ACADS: variants seen among roughly 807,000 people sequenced by gnomAD.
The protein encoded by ACADS is acyl-CoA dehydrogenase short chain, also known as short-chain specific acyl-CoA dehydrogenase, mitochondrial.
ACADS carries 28 observed loss-of-function variants against 46.8 expected under a neutral mutation model. That is an observed-to-expected ratio of 0.60 (90% CI 0.44 to 0.82). ACADS has a LOEUF of 0.82. Among genes scored for constraint, ACADS ranks in the 40% least tolerant of loss-of-function variants. ACADS has a pLI of 0.00. For synonymous variants in ACADS, 236 were observed against 237.7 expected (o/e 0.99, Z 0.07); for missense variants, 528 against 578.0 (o/e 0.91, Z 0.89).
At chr12:120,732,998 T>A (rs2136944588) in intron 2 of ACADS, among the ~76,000 whole-genome samples, 1 of 152,310 alleles carries the variant, frequency 6.6e-6, no homozygotes, top group Non-Finnish European at 1.5e-5. Flanking sequence ...GGCTGGCAGA[T>A]CACTCCTGGT....
rs763455552 is a variant in ACADS at position 120,739,381 on chromosome 12, A to G, written c.1172A>G (p.Tyr391Cys). 1.2e-6 allele frequency: 2 copies of G among 1,612,952 alleles called. No individual in the cohort carries two copies. The highest frequency in any genetic ancestry group is 3.3e-5 in the Admixed American group (2 of 60,020). The change falls in exon 10 of 10, where the codon TAC (tyrosine) becomes TGC (cysteine). Residue 391 changes from tyrosine (Y) to cysteine (C), a missense_variant. By Grantham distance (194) the Tyr-to-Cys change is radical. Transcript: ENST00000242592. ...CGCGACGCCCGCATCACTGAGATCTACGAGGGCACCAGCGAAATCCAGCGG... is the reference window on the plus strand; with the variant it reads ...CGCGACGCCCGCATCACTGAGATCTGCGAGGGCACCAGCGAAATCCAGCGG... Reference protein sequence around the residue: ...HYRDARITEIYEGTSEIQRLV... With the variant: ...HYRDARITEICEGTSEIQRLV...
intron 2 of ACADS, among the ~76,000 whole-genome samples, chr12:120,733,638 C>G (rs184086990): frequency 6.6e-6 from 1 of 151,536 alleles, no homozygotes; most frequent in South Asian, 2.1e-4. Flanking sequence ...ACCCCCCTCC[C>G]CAGGTGTGTG....
chr12:120,739,092 T>G (rs762451430), intron 8 of ACADS, 48 bp from the exon 9 acceptor site: 1 of 1,611,726 alleles, frequency 6.2e-7, no homozygotes, highest in Non-Finnish European at 8.5e-7. Context: ...GAGCAGGGGA[T>G]GGAGGGGTCC....
intron 2 of ACADS, among the ~76,000 whole-genome samples, chr12:120,731,705 T>C (rs1015154883): frequency 2.0e-5 from 3 of 152,014 alleles, no homozygotes; most frequent in African/African-American, 7.3e-5. Context: ...GGCAGGGTCA[T>C]AGGACAATAG....
Position 120,737,913 on chromosome 12 carries a change from A to C in ACADS, c.549A>C (p.Lys183Asn). ...ACTCATGGGTTCTGAATGGAACCAA[A>C]GCCTGGATCACCAATGCCTGGGAGG... ...EGDSWVLNGTKAWITNAWEAS... is the reference protein window; with the variant it reads ...EGDSWVLNGTNAWITNAWEAS... Residue 183 changes from lysine (K) to asparagine (N), a missense_variant, in exon 5 of 10, where the codon AAA (lysine) becomes AAC (asparagine). Coordinates refer to ENST00000242592, the MANE Select transcript of ACADS (RefSeq NM_000017.4). The C allele has an allele frequency of 1.2e-6, 2 of 1,614,188 alleles. No individual in the cohort carries two copies. Among genetic ancestry groups the C allele is most frequent in the Non-Finnish European group, 1.7e-6 (2 of 1,180,032 alleles).
chr12:120,726,136 C>A (rs1411593267), intron 1 of ACADS, among the ~76,000 whole-genome samples: 1 of 151,202 alleles, frequency 6.6e-6, no homozygotes, highest in Admixed American at 6.6e-5. Context: ...CAGACCCCTA[C>A]CCCCCGATTG....
chr12:120,737,842 G>C lies in ACADS; in HGVS notation c.478G>C (p.Gly160Arg). 1.2e-6 allele frequency: 2 copies of C among 1,613,954 alleles called. No homozygotes were observed. Among genetic ancestry groups the C allele is most frequent in the Non-Finnish European group, 8.5e-7 (1 of 1,179,926 alleles). ...CCCTGGGTCTGTGTGGGCAGGGAACGGCAGTGATGCAGGAGCTGCGTCCAC... is the reference window on the plus strand; with the variant it reads ...CCCTGGGTCTGTGTGGGCAGGGAACCGCAGTGATGCAGGAGCTGCGTCCAC... Reference protein sequence around the residue: ...GCFALSEPGNGSDAGAASTTA... With the variant: ...GCFALSEPGNRSDAGAASTTA... The change falls in exon 5 of 10, where the codon GGC (glycine) becomes CGC (arginine). Residue 160 changes from glycine (G) to arginine (R), a missense_variant. By Grantham distance (125) the Gly-to-Arg change is moderately radical. Coordinates refer to ENST00000242592, the MANE Select transcript of ACADS (RefSeq NM_000017.4).
intron 2 of ACADS, among the ~76,000 whole-genome samples, chr12:120,734,704 G>A (rs1308330908): frequency 4.0e-5 from 6 of 151,214 alleles, no homozygotes; most frequent in African/African-American, 1.5e-4. Context: ...CCAGGAGTTC[G>A]ACACCAGCTT....
intron 2 of ACADS, among the ~76,000 whole-genome samples, chr12:120,730,694 C>T (rs1883221199): frequency 6.6e-6 from 1 of 152,196 alleles, no homozygotes; most frequent in Admixed American, 6.5e-5. Flanking sequence ...TGGGTTCCCA[C>T]TGTGTTTCTG....
Position 120,725,951 on chromosome 12 carries a change from G to A in ACADS, c.46+20G>A. The A allele has an allele frequency of 1.3e-6, 2 of 1,529,314 alleles. No homozygotes were observed. Among genetic ancestry groups the A allele is most frequent in the Non-Finnish European group, 1.7e-6 (2 of 1,147,058 alleles). The allele number at this position is 1,529,314 out of a possible 1,614,324, so 94.7% of individuals were successfully genotyped here. A position where few individuals can be genotyped will look rare whatever the true frequency, so the allele number is the denominator to read the frequency against. On this transcript the variant is annotated intron_variant, in intron 1 of 9. Transcript: ENST00000242592. ...GCAGAGGTGAGTGCGCTGGGGATCCGTACGGCGGGGCTTCAGCCCGCGTCT... is the reference window on the plus strand; with the variant it reads ...GCAGAGGTGAGTGCGCTGGGGATCCATACGGCGGGGCTTCAGCCCGCGTCT...
rs1271188770 is a variant in ACADS, at chr12:120,727,146, T to A, written c.167T>A (p.Ile56Asn). ...RDFAEKELFPIAAQVDKEHLF... is the reference protein window; with the variant it reads ...RDFAEKELFPNAAQVDKEHLF... ...TTTGCCGAGAAGGAGTTGTTTCCCA[T>A]TGCAGCCCAGGTGGATAAGGAACAT... The change falls in exon 2 of 10, where the codon ATT becomes AAT. Residue 56 changes from isoleucine to asparagine, a missense_variant. Physicochemically the swap from Ile to Asn is moderately radical, Grantham distance 149 (BLOSUM62 -3). Coordinates refer to ENST00000242592, the MANE Select transcript of ACADS (RefSeq NM_000017.4). 1 of 1,614,132 alleles carries A rather than the reference T, an allele frequency of 6.2e-7. No individual in the cohort carries two copies.
chr12:120,736,401 G>C (rs1344287265), intron 2 of ACADS, among the ~76,000 whole-genome samples: 1 of 152,216 alleles, frequency 6.6e-6, no homozygotes, highest in Non-Finnish European at 1.5e-5. Flanking sequence ...TGCCCTCGTG[G>C]TGAAGGCAAA....
chr12:120,730,675 C>G (rs1407918738), intron 2 of ACADS, among the ~76,000 whole-genome samples: 1 of 152,172 alleles, frequency 6.6e-6, no homozygotes, highest in African/African-American at 2.4e-5. Context: ...TACTCTCTTT[C>G]TGGGAATTTG....
chr12:120,731,891 C>T (rs1241974948), intron 2 of ACADS, among the ~76,000 whole-genome samples: 5 of 152,054 alleles, frequency 3.3e-5, no homozygotes, highest in Non-Finnish European at 5.9e-5. Flanking sequence ...CATCTTGCAC[C>T]GCCCTTAATC....
rs1392223586 is a variant in ACADS, at chr12:120,737,178, G to A, written c.360+43G>A. 7 of 1,554,924 alleles carry A rather than the reference G, an allele frequency of 4.5e-6. No individual in the cohort carries two copies. In the South Asian group the frequency reaches 8.3e-5, roughly 18 times the overall value. The stretch of plus-strand genomic sequence containing the variant: ...CCCCTGGGACACACGGGTGGAGGGA[G>A]GCTCCCGTGAGCGGGCAGGCTCTGG... On this transcript the variant is annotated intron_variant, in intron 3 of 9. Coordinates refer to ENST00000242592, the MANE Select transcript of ACADS (RefSeq NM_000017.4).
intron 2 of ACADS, 41 bp downstream of exon 2, chr12:120,727,230 C>T (rs750168789): frequency 5.9e-5 from 95 of 1,612,056 alleles, no homozygotes; most frequent in Non-Finnish European, 7.6e-5. Context: ...GTGGTCTGCC[C>T]TCTGCTACTG....
intron 2 of ACADS, among the ~76,000 whole-genome samples, chr12:120,733,628 A>AC (rs978810631): frequency 5.0e-5 from 7 of 140,390 alleles, no homozygotes; most frequent in South Asian, 4.5e-4. Context: ...TCTGAGCAGG[A>AC]CCCCCCTCCC....
rs1333585577 is a variant in ACADS at position 120,728,471 on chromosome 12, C to T, written c.210+1282C>T. On this transcript the variant is annotated intron_variant, in intron 2 of 9. Coordinates refer to ENST00000242592, the MANE Select transcript of ACADS (RefSeq NM_000017.4). This position sits in a 1 kb window ranked among gnomAD's most constrained non-coding sequence, Gnocchi z 4.0. ...AACCTCTCCGGCCTCTTCTCCTTGCCTGTTTTTTTTTTTAATTTTAATTTT... is the reference window on the plus strand; with the variant it reads ...AACCTCTCCGGCCTCTTCTCCTTGCTTGTTTTTTTTTTTAATTTTAATTTT... 7.8e-6 allele frequency among the ~76,000 whole-genome samples: 1 copy of T among 128,810 alleles called. No individual in the cohort carries two copies. The highest frequency in any genetic ancestry group is 2.3e-4 in the East Asian group (1 of 4,392). 84.5% of individuals were successfully genotyped at this position (128,810 alleles called of 152,430 possible). A position where few individuals can be genotyped will look rare whatever the true frequency, so the allele number is the denominator to read the frequency against.
At position 120,737,103 on chromosome 12, in the gene ACADS, G is replaced by A. The variant is rs780571371; in HGVS notation, c.328G>A (p.Ala110Thr). The A allele has an allele frequency of 9.4e-6, 15 of 1,592,078 alleles. No homozygotes were observed. The highest frequency in any genetic ancestry group is 1.7e-5 in the Admixed American group (1 of 57,254). Reference protein sequence around the residue: ...IAMEEISRGCASTGVIMSVNN... With the variant: ...IAMEEISRGCTSTGVIMSVNN... ...CATGGAGGAGATCAGCCGTGGCTGC[G>A]CCTCCACCGGAGTCATCATGAGTGT... The change falls in exon 3 of 10, where the codon GCC becomes ACC. Residue 110 changes from alanine to threonine, a missense_variant. Ala to Thr is a moderately conservative substitution (Grantham distance 58). Transcript: ENST00000242592.
Sources: allele counts gnomAD v4.1 joint callset (sites outside exome capture counted in the v4.1 genomes callset), GRCh38; gene constraint gnomAD v4.1.1; non-coding constraint Gnocchi (gnomAD v3.1); transcripts MANE v1.5; gene names NCBI Gene and HGNC (gene_info 2026-07-23, HGNC 2026-07-21).